Variants in VRK1 observed in about 807,000 individuals in gnomAD.
VRK1 encodes VRK serine/threonine kinase 1.
In VRK1, 33 loss-of-function variants were observed where a neutral mutation model predicts 57.1. The observed-to-expected ratio is 0.58, with a 90% confidence interval of 0.44 to 0.77. The LOEUF is 0.77. Among genes scored for constraint, VRK1 ranks in the 30% least tolerant of loss-of-function variants. VRK1 has a pLI of 0.00. For synonymous variants in VRK1, 137 were observed against 147.8 expected, an observed-to-expected ratio of 0.93 and a Z score of 0.53; for missense variants, 413 against 477.3, an observed-to-expected ratio of 0.87 and a Z score of 1.25.
At chr14:96,825,420 T>TA (rs1886762963) in intron 1 of VRK1, among the ~76,000 whole-genome samples, 1 of 152,238 alleles carries the variant, frequency 6.6e-6, no homozygotes, top group Admixed American at 6.5e-5. Context: ...ATATTAAACA[T>TA]AAAGTTAGAT....
intron 12 of VRK1, among the ~76,000 whole-genome samples, chr14:96,876,366 A>T (rs1236415704): frequency 6.6e-6 from 1 of 152,156 alleles, no homozygotes; most frequent in Non-Finnish European, 1.5e-5. Context: ...GAGACACTGA[A>T]TGATTAAATG....
At chr14:96,832,257 G>GAGCT (rs757929555) in intron 1 of VRK1, among the ~76,000 whole-genome samples, 1 of 152,172 alleles carries the variant, frequency 6.6e-6, no homozygotes, top group South Asian at 2.1e-4. Flanking sequence ...GCTCAAAACT[G>GAGCT]AGCTCAAAAC....
At chr14:96,855,390 G>A in intron 8 of VRK1, 34 bp downstream of exon 8, 1 of 1,613,674 alleles carries the variant, frequency 6.2e-7, no homozygotes, top group Non-Finnish European at 8.5e-7. Context: ...GAAATAGACT[G>A]CTAATGTTTT....
chr14:96,805,609 A>G (rs1490888342), intron 1 of VRK1, among the ~76,000 whole-genome samples: 3 of 152,202 alleles, frequency 2.0e-5, no homozygotes, highest in Admixed American at 6.5e-5. Context: ...GACTTAAGTC[A>G]TTTTAAAAAT....
At position 96,854,086 on chromosome 14, in the gene VRK1, T is replaced by C. The variant is rs142368626; in HGVS notation, c.576+920T>C. On this transcript the variant is annotated intron_variant, in intron 7 of 12. Coordinates refer to ENST00000216639, the MANE Select transcript of VRK1 (RefSeq NM_003384.3). ...GGATAGAAGGGAATCTATATAAGTA[T>C]AAAAGAAGAAAGTTACTATACTATT... is the stretch of plus-strand genomic sequence containing the variant. Among the ~76,000 whole-genome samples, 642 of 152,202 alleles carry C rather than the reference T, an allele frequency of 4.2e-3. 6 individuals are homozygous for C. Among genetic ancestry groups the C allele is most frequent in the African/African-American group, 0.015 (619 of 41,568 alleles).
At chr14:96,839,886 A>G (rs765316460) in intron 3 of VRK1, among the ~76,000 whole-genome samples, 4 of 151,994 alleles carry the variant, frequency 2.6e-5, no homozygotes, top group South Asian at 2.1e-4. Context: ...TCCTCTGTCA[A>G]TGTGGCAATT....
intron 12 of VRK1, among the ~76,000 whole-genome samples, chr14:96,876,784 A>AAAAAAACAC (rs1324387812): frequency 2.0e-5 from 3 of 151,690 alleles, no homozygotes; most frequent in Admixed American, 6.6e-5. Flanking sequence ...AGCAAAAAAA[A>AAAAAAACAC]AAAAAAACAC....
At chr14:96,841,164 C>T (rs895131007) in intron 3 of VRK1, among the ~76,000 whole-genome samples, 1 of 152,008 alleles carries the variant, frequency 6.6e-6, no homozygotes, top group Non-Finnish European at 1.5e-5. Flanking sequence ...GGCCTCTGAA[C>T]TTAAGTTGTA....
intron 11 of VRK1, among the ~76,000 whole-genome samples, chr14:96,867,318 T>G (rs1248386654): frequency 3.3e-5 from 5 of 152,206 alleles, no homozygotes; most frequent in Non-Finnish European, 7.3e-5. Flanking sequence ...AGTTTTTAAT[T>G]GAAGACATTG....
chr14:96,810,053 C>T (rs201371728), intron 1 of VRK1, among the ~76,000 whole-genome samples: 14 of 152,288 alleles, frequency 9.2e-5, no homozygotes, highest in East Asian at 7.7e-4. Flanking sequence ...GTGTGGTTTT[C>T]GTGGGCATTT....
chr14:96,829,645 T>C (rs1282891598), intron 1 of VRK1, among the ~76,000 whole-genome samples: 1 of 152,192 alleles, frequency 6.6e-6, no homozygotes, highest in Non-Finnish European at 1.5e-5. Context: ...ATTTGCATCA[T>C]TCCACATGTA....
intron 1 of VRK1, among the ~76,000 whole-genome samples, chr14:96,812,161 A>G (rs1465748697): frequency 6.6e-6 from 1 of 152,144 alleles, no homozygotes; most frequent in Non-Finnish European, 1.5e-5. Flanking sequence ...AGGTGTACCA[A>G]ATTTGATTTA....
At chr14:96,875,621 A>T (rs1160176537) in intron 11 of VRK1, among the ~76,000 whole-genome samples, 1 of 152,058 alleles carries the variant, frequency 6.6e-6, no homozygotes, top group Non-Finnish European at 1.5e-5. Flanking sequence ...TATCCTCTCC[A>T]CCCCACCCAT....
At chr14:96,859,501 G>T (rs372305632) in intron 10 of VRK1, among the ~76,000 whole-genome samples, 4 of 152,216 alleles carry the variant, frequency 2.6e-5, no homozygotes, top group South Asian at 2.1e-4. Context: ...TTTGTTTTAG[G>T]TTTTTTGTAC....
At chr14:96,804,789 A>G (rs114914463) in intron 1 of VRK1, among the ~76,000 whole-genome samples, 1 of 152,362 alleles carries the variant, frequency 6.6e-6, no homozygotes, top group South Asian at 2.1e-4. Flanking sequence ...TATCTGCCAG[A>G]AAGCTAAAAA....
At chr14:96,837,216 C>T (rs1887254910) in intron 2 of VRK1, among the ~76,000 whole-genome samples, 1 of 152,166 alleles carries the variant, frequency 6.6e-6, no homozygotes, top group Non-Finnish European at 1.5e-5. Context: ...AACTGTACTT[C>T]TTTATTTACA....
intron 1 of VRK1, among the ~76,000 whole-genome samples, chr14:96,823,454 A>G (rs1458258295): frequency 6.6e-6 from 1 of 152,224 alleles, no homozygotes; most frequent in Non-Finnish European, 1.5e-5. Flanking sequence ...ATTAGCATCT[A>G]TAAGAATAAC....
intron 9 of VRK1, 87 bp downstream of exon 9, chr14:96,856,337 A>G: frequency 6.7e-7 from 1 of 1,501,042 alleles, no homozygotes; most frequent in South Asian, 1.2e-5. Flanking sequence ...CTATAGTTTC[A>G]ACTGATACTG....
intron 12 of VRK1, chr14:96,877,390 C>T: frequency 1.4e-6 from 1 of 702,414 alleles, no homozygotes; most frequent in Non-Finnish European, 2.2e-6. Context: ...TATATAACTT[C>T]ACACTGAAGG....
Sources: gnomAD v4.1 joint callset for allele counts (sites outside exome capture counted in the v4.1 genomes callset) on GRCh38, gnomAD v4.1.1 for gene constraint, MANE v1.5 for transcripts, NCBI Gene and HGNC (gene_info 2026-07-23, HGNC 2026-07-21) for gene names.